Variants in ENPP7 observed in about 807,000 individuals in gnomAD.
ENPP7 encodes ectonucleotide pyrophosphatase/phosphodiesterase family member 7.
In ENPP7, 39 loss-of-function variants were observed where a neutral mutation model predicts 33.6. That is an observed-to-expected ratio of 1.16 (90% CI 0.90 to 1.52). The LOEUF (loss-of-function observed/expected upper bound fraction) is 1.52. Among genes scored for constraint, ENPP7 ranks in the 40% most tolerant of loss-of-function variants. The pLI, the probability that ENPP7 is intolerant of heterozygous loss-of-function variation, is 0.00. For missense variants in ENPP7, 594 were observed against 641.0 expected, an observed-to-expected ratio of 0.93 and a Z score of 0.79; for synonymous variants, 244 against 274.3, an observed-to-expected ratio of 0.89 and a Z score of 1.09.
chr17:79,732,730 T>C (rs1368383687), intron 1 of ENPP7, among the ~76,000 whole-genome samples: 1 of 152,184 alleles, frequency 6.6e-6, no homozygotes, highest in Non-Finnish European at 1.5e-5. Flanking sequence ...GGGTCCACAC[T>C]TCTCTGGTAT....
At position 79,737,785 on chromosome 17, in the gene ENPP7, T is replaced by C. The variant is rs946919855; in HGVS notation, c.1247-131T>C. The C allele has an allele frequency of 4.6e-5, 47 of 1,016,758 alleles. No homozygotes were observed. Among genetic ancestry groups the C allele is most frequent in the Non-Finnish European group, 7.0e-5 (47 of 673,498 alleles). The allele number at this position is 1,016,758 out of a possible 1,614,324, so 63.0% of individuals were successfully genotyped here. A position where few individuals can be genotyped will look rare whatever the true frequency, so the allele number is the denominator to read the frequency against. On this transcript the variant is annotated intron_variant, in intron 4 of 5. Coordinates refer to ENST00000328313, the MANE Select transcript of ENPP7 (RefSeq NM_178543.5). This position sits in a 1 kb window ranked among gnomAD's most constrained non-coding sequence, Gnocchi z 5.5. ...GAAGGGCCGTGGTGGACAAAGGCCA[T>C]GGGACCAAGGGGGCGGTGAAAGAGG... is the stretch of plus-strand genomic sequence containing the variant.
Position 79,733,627 on chromosome 17 carries a change from C to T in ENPP7, c.373C>T (p.Pro125Ser). 1 of 1,612,640 alleles carries T rather than the reference C, an allele frequency of 6.2e-7. No homozygotes were observed. Among genetic ancestry groups the T allele is most frequent in the Non-Finnish European group, 8.5e-7 (1 of 1,179,890 alleles). ...IQRWWDNGSV[P>S]IWITAQRQGL... ...GAGGTGGTGGGACAACGGCAGCGTG[C>T]CCATCTGGATCACAGCCCAGAGGCA... The change falls in exon 2 of 6, where the codon CCC (proline) becomes TCC (serine). Residue 125 changes from proline (P) to serine (S), a missense_variant. Coordinates refer to ENST00000328313, the MANE Select transcript of ENPP7 (RefSeq NM_178543.5).
chr17:79,737,109 C>G lies in ENPP7; in HGVS notation c.1095C>G (p.Ile365Met). 6.2e-7 allele frequency: 1 copy of G among 1,614,212 alleles called. No individual in the cohort carries two copies. Among genetic ancestry groups the G allele is most frequent in the Non-Finnish European group, 8.5e-7 (1 of 1,180,048 alleles). ...ACAAGGACATGGACATGAAGACCAT[C>G]TTCCGCGCTGTGGGCCCTAGCTTCA... ...FDNKDMDMKT[I>M]FRAVGPSFRA... Residue 365 changes from isoleucine (I) to methionine (M), a missense_variant, in exon 4 of 6, where the codon ATC becomes ATG. By Grantham distance (10) the Ile-to-Met change is conservative. Transcript: ENST00000328313. The surrounding 1 kb of genome is among the most constrained non-coding windows in gnomAD (Gnocchi z 5.5).
At chr17:79,731,610 C>A (rs1311551707) in intron 1 of ENPP7, among the ~76,000 whole-genome samples, 1 of 152,248 alleles carries the variant, frequency 6.6e-6, no homozygotes, top group Non-Finnish European at 1.5e-5. Context: ...GCCAGGGCAG[C>A]AACCCCAGAA....
Position 79,733,544 on chromosome 17 carries a change from T to C in ENPP7, c.290T>C (p.Met97Thr), listed in dbSNP as rs1555822944. ...YIENHGVVHN[M>T]YYNTTSKVKL... ...GAGAACCACGGGGTGGTTCACAACATGTACTACAACACCACCAGCAAGGTG... is the reference window on the plus strand; with the variant it reads ...GAGAACCACGGGGTGGTTCACAACACGTACTACAACACCACCAGCAAGGTG... The change falls in exon 2 of 6, where the codon ATG becomes ACG. Residue 97 changes from methionine (M) to threonine (T), a missense_variant. By Grantham distance (81) the Met-to-Thr change is moderately conservative (BLOSUM62 -1). Transcript: ENST00000328313. 1.2e-6 allele frequency: 2 copies of C among 1,613,372 alleles called. No individual in the cohort carries two copies. Among genetic ancestry groups the C allele is most frequent in the Non-Finnish European group, 1.7e-6 (2 of 1,179,988 alleles).
intron 2 of ENPP7, among the ~76,000 whole-genome samples, chr17:79,734,329 C>G (rs1303329660): frequency 6.6e-6 from 1 of 152,212 alleles, no homozygotes; most frequent in Admixed American, 6.5e-5. Context: ...CATAGACACA[C>G]TCAGGGCTCC....
At chr17:79,733,790 C>A in intron 2 of ENPP7, 137 bp downstream of exon 2, 1 of 947,776 alleles carries the variant, frequency 1.1e-6, no homozygotes, top group Non-Finnish European at 1.5e-6. Context: ...TACCCTGGCA[C>A]AGAAGGGTGT....
Position 79,742,080 on chromosome 17 carries a change from G to A in ENPP7, c.*303G>A, listed in dbSNP as rs1409538514. The A allele has an allele frequency of 9.7e-6, 4 of 410,794 alleles. No individual in the cohort carries two copies. Among genetic ancestry groups the A allele is most frequent in the African/African-American group, 6.5e-5 (3 of 45,998 alleles). 25.4% of individuals were successfully genotyped at this position (410,794 alleles called of 1,614,324 possible). On this transcript the variant is annotated 3_prime_UTR_variant, in exon 6 of 6. Coordinates refer to ENST00000328313, the MANE Select transcript of ENPP7 (RefSeq NM_178543.5). ...CTCCTGCAAAACCCGCTCCCGAAGC[G>A]GCGCTGCCGTCTGCAGCCACGCGGG...
chr17:79,735,065 T>C lies in ENPP7; in HGVS notation c.422T>C (p.Phe141Ser). ...QRQGLRAGSF[F>S]YPGGNVTYQG... The stretch of plus-strand genomic sequence containing the variant: ...CAGGGCCTGAGGGCTGGCTCCTTCT[T>C]CTACCCGGGCGGGAACGTCACCTAC... The change falls in exon 3 of 6, where the codon TTC (phenylalanine) becomes TCC (serine). Residue 141 changes from phenylalanine (F) to serine (S), a missense_variant. Coordinates refer to ENST00000328313, the MANE Select transcript of ENPP7 (RefSeq NM_178543.5). The surrounding 1 kb of genome is among the most constrained non-coding windows in gnomAD (Gnocchi z 5.5). 6.2e-7 allele frequency: 1 copy of C among 1,612,916 alleles called. No homozygotes were observed.
At chr17:79,732,702 C>T (rs1312004422) in intron 1 of ENPP7, among the ~76,000 whole-genome samples, 1 of 152,198 alleles carries the variant, frequency 6.6e-6, no homozygotes, top group Non-Finnish European at 1.5e-5. Flanking sequence ...CTCACTAGTA[C>T]ACCAGTCGCT....
chr17:79,733,408 A>C, intron 1 of ENPP7, 100 bp from the exon 2 acceptor site: 2 of 1,277,650 alleles, frequency 1.6e-6, no homozygotes, highest in Non-Finnish European at 1.1e-6. Context: ...GCACACAGGG[A>C]AACCTGGGCT....
Position 79,733,669 on chromosome 17 carries a change from C to T in ENPP7, c.399+16C>T, listed in dbSNP as rs2094290284. 1 of 1,600,442 alleles carries T rather than the reference C, an allele frequency of 6.2e-7. No individual in the cohort carries two copies. Among genetic ancestry groups the T allele is most frequent in the East Asian group, 2.3e-5 (1 of 44,170 alleles). On this transcript the variant is annotated intron_variant, in intron 2 of 5. Transcript: ENST00000328313. ...CCAGAGGCAGGTAATGTCACCCCCG[C>T]CCATACTGACATCGCAGAGCACGGG... is the stretch of plus-strand genomic sequence containing the variant.
chr17:79,738,254 T>A lies in ENPP7; in HGVS notation c.*16+192T>A. 1 of 587,332 alleles carries A rather than the reference T, an allele frequency of 1.7e-6. No homozygotes were observed. Among genetic ancestry groups the A allele is most frequent in the Admixed American group, 3.0e-5 (1 of 33,538 alleles). 36.4% of individuals were successfully genotyped at this position (587,332 alleles called of 1,614,324 possible). A position where few individuals can be genotyped will look rare whatever the true frequency, so the allele number is the denominator to read the frequency against. On this transcript the variant is annotated intron_variant, in intron 5 of 5. Transcript: ENST00000328313. The surrounding 1 kb of genome is among the most constrained non-coding windows in gnomAD (Gnocchi z 6.2). ...TCCCGAGGCTGACCCTTCCAGCCTC[T>A]CTGCTCTGGGCTTGGAGGAGGTCTT...
At position 79,731,346 on chromosome 17, in the gene ENPP7, C is replaced by T. The variant is rs1420439877; in HGVS notation, c.207C>T (p.Pro69=). 19 of 1,613,126 alleles carry T rather than the reference C, an allele frequency of 1.2e-5. No individual in the cohort carries two copies. Among genetic ancestry groups the T allele is most frequent in the South Asian group, 1.1e-4 (10 of 90,928 alleles). Residue 69 remains proline (P), a synonymous_variant, in exon 1 of 6, where the codon CCC becomes CCT. Transcript: ENST00000328313. Reference sequence around the variant, plus strand: ...GGGTGAAGGCACGCTACATGACCCCCGCCTTTGTCACCATGACCAGCCCCT... The same window carrying T: ...GGGTGAAGGCACGCTACATGACCCCTGCCTTTGTCACCATGACCAGCCCCT... The part of the protein sequence containing the change: ...RDGVKARYMT[P]AFVTMTSPCH...
In ENPP7 at chr17:79,735,059, CCTT is replaced by C. The variant is rs1555823188; in HGVS notation, c.422_424del (p.Phe141del). 4 of 1,612,804 alleles carry C rather than the reference CCTT, an allele frequency of 2.5e-6. No individual in the cohort carries two copies. Among genetic ancestry groups the C allele is most frequent in the Non-Finnish European group, 2.5e-6 (3 of 1,179,984 alleles). On this transcript the variant is annotated inframe_deletion, in exon 3 of 6. Coordinates refer to ENST00000328313, the MANE Select transcript of ENPP7 (RefSeq NM_178543.5). This position sits in a 1 kb window ranked among gnomAD's most constrained non-coding sequence, Gnocchi z 5.5. ...GTCTGGCAGGGCCTGAGGGCTGGCT[CCTT>C]CTTCTACCCGGGCGGGAACGTCACC...
intron 5 of ENPP7, among the ~76,000 whole-genome samples, chr17:79,740,205 A>C (rs1276097797): frequency 6.6e-6 from 1 of 152,144 alleles, no homozygotes; most frequent in Non-Finnish European, 1.5e-5. Context: ...CTACAAAATA[A>C]ATCAATGAAA....
In ENPP7 at chr17:79,738,149, C is replaced by A; in HGVS notation, c.*16+87C>A. The A allele has an allele frequency of 2.1e-6, 3 of 1,418,100 alleles. No homozygotes were observed. The highest frequency in any genetic ancestry group is 2.3e-5 in the East Asian group (1 of 43,322). The allele number at this position is 1,418,100 out of a possible 1,614,324, so 87.8% of individuals were successfully genotyped here. A position where few individuals can be genotyped will look rare whatever the true frequency, so the allele number is the denominator to read the frequency against. On this transcript the variant is annotated intron_variant, in intron 5 of 5. Coordinates refer to ENST00000328313, the MANE Select transcript of ENPP7 (RefSeq NM_178543.5). The surrounding 1 kb of genome is among the most constrained non-coding windows in gnomAD (Gnocchi z 6.2). ...ATGTCCCAGCTACAGTCCTAGGCAA[C>A]CAGAACAGAGCTGCCAGGCCCCGCC...
At chr17:79,734,919 C>G in intron 2 of ENPP7, 124 bp from the exon 3 acceptor site, 1 of 987,712 alleles carries the variant, frequency 1.0e-6, no homozygotes. Flanking sequence ...GCAGCTGCAG[C>G]TAGGAGCAGG....
At position 79,735,312 on chromosome 17, in the gene ENPP7, G is replaced by A; in HGVS notation, c.669G>A (p.Val223=). 6.2e-7 allele frequency: 1 copy of A among 1,613,306 alleles called. No individual in the cohort carries two copies. The highest frequency in any genetic ancestry group is 8.5e-7 in the Non-Finnish European group (1 of 1,180,030). Residue 223 remains valine, a synonymous_variant, in exon 3 of 6, where the codon GTG becomes GTA. Transcript: ENST00000328313. This position sits in a 1 kb window ranked among gnomAD's most constrained non-coding sequence, Gnocchi z 5.5. ...TGGTGCGGCAGGTGGACCGGACCGTGGGCTACCTCCGGGAGAGCATCGCGC... is the reference window on the plus strand; with the variant it reads ...TGGTGCGGCAGGTGGACCGGACCGTAGGCTACCTCCGGGAGAGCATCGCGC... ...REMVRQVDRT[V]GYLRESIARN...
Sources: gnomAD v4.1 joint callset for allele counts (sites outside exome capture counted in the v4.1 genomes callset) on GRCh38, gnomAD v4.1.1 for gene constraint, Gnocchi (gnomAD v3.1) non-coding constraint, MANE v1.5 for transcripts, NCBI Gene and HGNC (gene_info 2026-07-23, HGNC 2026-07-21) for gene names.